The following BCAS3 variants were observed in gnomAD, a reference collection of about 807,000 sequenced individuals.
The protein encoded by BCAS3 is BCAS4/BCAS3 fusion.
Under a neutral mutation model 116.1 loss-of-function variants are expected in BCAS3, and 53 were observed. The ratio of observed to expected loss-of-function variants is 0.46; its 90% CI spans 0.37 to 0.57. The LOEUF (loss-of-function observed/expected upper bound fraction) is 0.57, where lower values mean the gene tolerates loss of function less well. Among genes scored for constraint, BCAS3 ranks in the 20% least tolerant of loss-of-function variants. The probability of loss-of-function intolerance (pLI) is 0.00; values close to 1 mark genes in which losing one functional copy is unlikely to be tolerated. For missense variants in BCAS3, 917 were observed against 1,165.4 expected, an observed-to-expected ratio of 0.79 and a Z score of 3.10; for synonymous variants, 391 against 408.2, an observed-to-expected ratio of 0.96 and a Z score of 0.51.
intron 11 of BCAS3, among the ~76,000 whole-genome samples, chr17:60,908,595 T>C (rs1160765473): frequency 6.6e-6 from 1 of 152,156 alleles, no homozygotes; most frequent in African/African-American, 2.4e-5. Context: ...AGAGGCTTAC[T>C]TGACAACACT....
At chr17:61,218,568 T>C (rs1022123467) in intron 22 of BCAS3, among the ~76,000 whole-genome samples, 7 of 152,238 alleles carry the variant, frequency 4.6e-5, no homozygotes, top group African/African-American at 1.7e-4. Context: ...ATCTGCACAG[T>C]TGCCTGCTAT....
chr17:61,308,434 A>T (rs1241184323), intron 22 of BCAS3, among the ~76,000 whole-genome samples: 4 of 137,486 alleles, frequency 2.9e-5, no homozygotes. Flanking sequence ...AGTGGTTACC[A>T]TGGGTCTTGG....
At chr17:60,970,645 G>A (rs1175147894) in intron 14 of BCAS3, among the ~76,000 whole-genome samples, 4 of 152,090 alleles carry the variant, frequency 2.6e-5, no homozygotes, top group Admixed American at 1.3e-4. Context: ...ATGTATGCAC[G>A]TAGACTCAGT....
chr17:61,253,001 T>G (rs1461215535), intron 22 of BCAS3, among the ~76,000 whole-genome samples: 2 of 151,052 alleles, frequency 1.3e-5, no homozygotes, highest in Admixed American at 1.3e-4. Context: ...TGCCTCAGCC[T>G]CCTAAGTAGC....
At chr17:61,121,468 G>A (rs1037181052) in intron 22 of BCAS3, among the ~76,000 whole-genome samples, 3 of 152,048 alleles carry the variant, frequency 2.0e-5, no homozygotes, top group African/African-American at 7.2e-5. Context: ...GTCTATTTAA[G>A]ATTGTAACCA....
intron 6 of BCAS3, among the ~76,000 whole-genome samples, chr17:60,772,135 T>A (rs2044774894): frequency 6.6e-6 from 1 of 152,242 alleles, no homozygotes; most frequent in African/African-American, 2.4e-5. Flanking sequence ...CGCCACACTG[T>A]CTTCCACAAT....
At chr17:61,062,607 A>G (rs544800951) in intron 19 of BCAS3, among the ~76,000 whole-genome samples, 1 of 152,342 alleles carries the variant, frequency 6.6e-6, no homozygotes, top group African/African-American at 2.4e-5. Flanking sequence ...CTCCAGGTAG[A>G]TATGAGGGGA....
intron 22 of BCAS3, among the ~76,000 whole-genome samples, chr17:61,293,863 C>T (rs1217477006): frequency 6.6e-6 from 1 of 152,194 alleles, no homozygotes; most frequent in Non-Finnish European, 1.5e-5. Flanking sequence ...CAGGTTCAAG[C>T]GATCCTCCCA....
chr17:60,848,074 C>T (rs2052690998), intron 7 of BCAS3, among the ~76,000 whole-genome samples: 1 of 152,184 alleles, frequency 6.6e-6, no homozygotes, highest in African/African-American at 2.4e-5. Flanking sequence ...TGTCCTTTCC[C>T]CCATTGAATA....
rs1429156594 is a variant in BCAS3 at position 60,799,735 on chromosome 17, T to TTTTTA, written c.404-8269_404-8268insTTTTA. Reference sequence around the variant, plus strand: ...TTTTTTTTTTTTTTTTTTTTTTTTTTAGTAGAACTGGGGTTTCACCATGTT... The same window carrying TTTTTA: ...TTTTTTTTTTTTTTTTTTTTTTTTTTTTTTAAGTAGAACTGGGGTTTCACCATGTT... On this transcript the variant is annotated intron_variant, in intron 6 of 23. Transcript: ENST00000407086. Among the ~76,000 whole-genome samples the TTTTTA allele has an allele frequency of 5.9e-3, 590 of 100,530 alleles. 26 individuals carry two copies. Among genetic ancestry groups the TTTTTA allele is most frequent in the African/African-American group, 0.019 (556 of 28,754 alleles). 66.0% of individuals were successfully genotyped at this position (100,530 alleles called of 152,430 possible).
In BCAS3 at chr17:61,347,741, C is replaced by T. The variant is rs187598791; in HGVS notation, c.2426-20586C>T. Reference sequence around the variant, plus strand: ...GGTAAGCCTAGGGTGTTGTGGGGGCCGGTAGGAAGACCTAAGTCAGACCCA... The same window carrying T: ...GGTAAGCCTAGGGTGTTGTGGGGGCTGGTAGGAAGACCTAAGTCAGACCCA... On this transcript the variant is annotated intron_variant, in intron 22 of 23. Coordinates refer to ENST00000407086, the MANE Select transcript of BCAS3 (RefSeq NM_017679.5). This position sits in a 1 kb window ranked among gnomAD's most constrained non-coding sequence, Gnocchi z 4.3. Among the ~76,000 whole-genome samples the T allele has an allele frequency of 1.4e-4, 22 of 152,244 alleles. No homozygotes were observed. In the East Asian group the frequency reaches 2.7e-3, roughly 19 times the overall value.
chr17:61,191,789 AG>A (rs2080144679), intron 22 of BCAS3, among the ~76,000 whole-genome samples: 1 of 151,662 alleles, frequency 6.6e-6, no homozygotes, highest in Admixed American at 6.6e-5. Context: ...AAAAAAGAAA[AG>A]AAAAGAAAAG....
chr17:60,851,621 G>T, intron 7 of BCAS3: 2 of 671,524 alleles, frequency 3.0e-6, no homozygotes, highest in East Asian at 2.9e-5. Context: ...AAGGGCAAAG[G>T]GGAGCAAAGG....
Position 61,244,312 on chromosome 17 carries a change from ATGAAATCACAC to A in BCAS3, c.2426-124011_2426-124001del, listed in dbSNP as rs1314470373. The stretch of plus-strand genomic sequence containing the variant: ...ACATATATACGCTATTGTTTGTAAA[ATGAAATCACAC>A]TGAGCTTATTTACCATTAGGTAATG... On this transcript the variant is annotated intron_variant, in intron 22 of 23. Transcript: ENST00000407086. The surrounding 1 kb of genome is among the most constrained non-coding windows in gnomAD (Gnocchi z 4.9). Among the ~76,000 whole-genome samples the A allele has an allele frequency of 7.0e-4, 106 of 152,298 alleles. 1 individual carries two copies. The highest frequency in any genetic ancestry group is 2.5e-3 in the East Asian group (13 of 5,180).
At chr17:60,979,824 C>G (rs2062676317) in intron 14 of BCAS3, among the ~76,000 whole-genome samples, 1 of 152,046 alleles carries the variant, frequency 6.6e-6, no homozygotes, top group Non-Finnish European at 1.5e-5. Flanking sequence ...GTTGAACCAG[C>G]CTTGCATCCC....
intron 7 of BCAS3, chr17:60,811,194 C>G (rs2144637545): frequency 3.0e-6 from 2 of 677,904 alleles, no homozygotes; most frequent in East Asian, 6.2e-5. Context: ...AGACTGGATC[C>G]TGCTGCACCT....
At chr17:60,819,240 G>A (rs1341102517) in intron 7 of BCAS3, among the ~76,000 whole-genome samples, 1 of 152,026 alleles carries the variant, frequency 6.6e-6, no homozygotes, top group East Asian at 1.9e-4. Flanking sequence ...CAAAGGGCCC[G>A]GAACATTACA....
chr17:60,984,318 A>G (rs2145410764), intron 14 of BCAS3, among the ~76,000 whole-genome samples: 1 of 152,300 alleles, frequency 6.6e-6, no homozygotes, highest in Admixed American at 6.5e-5. Context: ...ATGGCTACCT[A>G]GAGCTTTTGT....
intron 22 of BCAS3, among the ~76,000 whole-genome samples, chr17:61,170,148 C>T (rs544800235): frequency 1.3e-5 from 2 of 152,156 alleles, no homozygotes; most frequent in African/African-American, 4.8e-5. Context: ...GTCACCGCGC[C>T]CGGCTAACAT....
Sources: allele counts gnomAD v4.1 joint callset (sites outside exome capture counted in the v4.1 genomes callset), GRCh38; gene constraint gnomAD v4.1.1; non-coding constraint Gnocchi (gnomAD v3.1); transcripts MANE v1.5; gene names NCBI Gene and HGNC (gene_info 2026-07-23, HGNC 2026-07-21).